The following NRG1 variants were observed in gnomAD, a reference collection of about 807,000 sequenced individuals.
NRG1 encodes neuregulin 1.
In NRG1, 18 loss-of-function variants were observed where a neutral mutation model predicts 63.8. The ratio of observed to expected loss-of-function variants is 0.28; its 90% CI spans 0.19 to 0.42. NRG1 has a LOEUF of 0.42. Ranked by LOEUF, NRG1 falls within the 10% of genes least tolerant of loss-of-function variation. The pLI is 1.00. For synonymous variants in NRG1, 302 were observed against 301.3 expected (o/e 1.00, Z -0.02); for missense variants, 762 against 814.7 (o/e 0.94, Z 0.79).
intron 1 of NRG1, among the ~76,000 whole-genome samples, chr8:32,486,840 G>C (rs941348786): frequency 2.1e-4 from 32 of 152,084 alleles, no homozygotes; most frequent in Admixed American, 2.1e-3. Context: ...GGCCAGGCTG[G>C]TCTCAAATTC....
intron 1 of NRG1, among the ~76,000 whole-genome samples, chr8:31,682,136 A>G (rs1033864649): frequency 5.9e-5 from 9 of 152,190 alleles, no homozygotes; most frequent in African/African-American, 2.2e-4. Flanking sequence ...AAAACCTGGC[A>G]ACCACTAATC....
chr8:32,247,289 T>G (rs768121291), intron 1 of NRG1, among the ~76,000 whole-genome samples: 3 of 152,092 alleles, frequency 2.0e-5, no homozygotes, highest in Non-Finnish European at 4.4e-5. Flanking sequence ...TAAAAGCCTT[T>G]GATGACTCTC....
In NRG1 at chr8:32,333,162, AC is replaced by A. The variant is rs781637969; in HGVS notation, c.38-262664del. 2.1e-4 allele frequency among the ~76,000 whole-genome samples: 32 copies of A among 152,142 alleles called. 1 individual carries two copies. Among genetic ancestry groups the A allele is most frequent in the Admixed American group, 1.6e-3 (25 of 15,276 alleles). On this transcript the variant is annotated intron_variant, in intron 1 of 10. Transcript: ENST00000519301. Reference sequence around the variant, plus strand: ...TTAAAAATCTATGTGTTTTTTCTATACCTTTTATTCTCTCATAGGCTTGTAT... The same window carrying A: ...TTAAAAATCTATGTGTTTTTTCTATACTTTTATTCTCTCATAGGCTTGTAT...
At chr8:32,675,947 A>T (rs1283195748) in intron 5 of NRG1, among the ~76,000 whole-genome samples, 1 of 152,216 alleles carries the variant, frequency 6.6e-6, no homozygotes, top group Non-Finnish European at 1.5e-5. Flanking sequence ...CTCAATTCAA[A>T]TGACCACAAA....
intron 1 of NRG1, among the ~76,000 whole-genome samples, chr8:31,758,797 G>A (rs149794471): frequency 8.3e-4 from 126 of 152,234 alleles, no homozygotes; most frequent in Middle Eastern, 3.4e-3. Flanking sequence ...GAAATGGGAC[G>A]GCTAGAGCAT....
chr8:31,859,815 C>T (rs763121360), intron 1 of NRG1, among the ~76,000 whole-genome samples: 2 of 152,222 alleles, frequency 1.3e-5, no homozygotes, highest in Non-Finnish European at 2.9e-5. Flanking sequence ...ATTACCTTGG[C>T]TCTTCAAAGT....
chr8:31,658,015 C>T (rs78007433), intron 1 of NRG1, among the ~76,000 whole-genome samples: 2,691 of 152,254 alleles, frequency 0.018, 41 homozygotes, highest in Non-Finnish European at 0.028. Context: ...CAAAGAGTGC[C>T]TATAGGTAGA....
At chr8:32,561,642 C>T (rs1836420828) in intron 1 of NRG1, among the ~76,000 whole-genome samples, 1 of 152,226 alleles carries the variant, frequency 6.6e-6, no homozygotes, top group African/African-American at 2.4e-5. Context: ...TGTCCCTTGA[C>T]AGCTGCTCTG....
chr8:32,515,194 T>A (rs1262421049), intron 1 of NRG1, among the ~76,000 whole-genome samples: 3 of 152,174 alleles, frequency 2.0e-5, no homozygotes, highest in Non-Finnish European at 4.4e-5. Context: ...ATTTCCAAAC[T>A]GCTTTTCACA....
chr8:31,653,351 C>T (rs190162862), intron 1 of NRG1, among the ~76,000 whole-genome samples: 1 of 151,988 alleles, frequency 6.6e-6, no homozygotes, highest in Non-Finnish European at 1.5e-5. Context: ...ACTGCAGTAA[C>T]CGATGATACC....
At chr8:32,366,673 G>GTATATA (rs1270263657) in intron 1 of NRG1, among the ~76,000 whole-genome samples, 165 of 42,768 alleles carry the variant, frequency 3.9e-3, no homozygotes, top group African/African-American at 8.4e-3. Flanking sequence ...GTGTGTGTGT[G>GTATATA]TGTGTATATA....
Position 31,958,109 on chromosome 8 carries a change from T to TTG in NRG1, c.37+318688_37+318689dup, listed in dbSNP as rs558121293. On this transcript the variant is annotated intron_variant, in intron 1 of 10. Coordinates refer to the NRG1 transcript ENST00000519301. ...CAGACAGATAGATAGGCAGAGATGT[T>TTG]TGTGTGTGTGTTTGTGTGTGTGTTG... 1.3e-3 allele frequency among the ~76,000 whole-genome samples: 161 copies of TTG among 127,922 alleles called. 1 individual carries two copies. The South Asian group carries it at 0.038, about 31-fold the overall frequency. The allele number at this position is 127,922 out of a possible 152,430, so 83.9% of individuals were successfully genotyped here. A position where few individuals can be genotyped will look rare whatever the true frequency, so the allele number is the denominator to read the frequency against.
chr8:32,630,947 T>C (rs1474406067), intron 5 of NRG1, among the ~76,000 whole-genome samples: 1 of 152,134 alleles, frequency 6.6e-6, no homozygotes. Flanking sequence ...AATAAGAAAT[T>C]GTAGCATTTT....
At chr8:32,275,149 C>G (rs1337675029) in intron 1 of NRG1, among the ~76,000 whole-genome samples, 3 of 152,142 alleles carry the variant, frequency 2.0e-5, no homozygotes, top group Non-Finnish European at 4.4e-5. Context: ...GTGATCAGGA[C>G]AGCTCCCGCC....
rs557866208 is a variant in NRG1, at chr8:32,125,791, C to G, written c.38-470037C>G. 7.9e-5 allele frequency among the ~76,000 whole-genome samples: 12 copies of G among 151,888 alleles called. No individual in the cohort carries two copies. In the East Asian group the frequency reaches 1.4e-3, roughly 17 times the overall value. On this transcript the variant is annotated intron_variant, in intron 1 of 10. Coordinates refer to the NRG1 transcript ENST00000519301. Reference sequence around the variant, plus strand: ...TTTTACAACTATTTCTCTGCTCTCTCCTCTCCAACATATCTTCCTGACATG... The same window carrying G: ...TTTTACAACTATTTCTCTGCTCTCTGCTCTCCAACATATCTTCCTGACATG...
intron 1 of NRG1, among the ~76,000 whole-genome samples, chr8:32,084,129 A>T (rs1029162568): frequency 6.6e-6 from 1 of 152,208 alleles, no homozygotes; most frequent in Non-Finnish European, 1.5e-5. Flanking sequence ...CATTTTGCCC[A>T]TTACCCTTAT....
chr8:31,830,242 G>T (rs1325675661), intron 1 of NRG1, among the ~76,000 whole-genome samples: 4 of 152,096 alleles, frequency 2.6e-5, no homozygotes, highest in African/African-American at 9.7e-5. Flanking sequence ...GAAAAAGATT[G>T]CTTGGCATGT....
chr8:32,453,333 G>A lies in NRG1; in HGVS notation c.38-142495G>A, dbSNP rs528853312. 1.3e-4 allele frequency among the ~76,000 whole-genome samples: 20 copies of A among 152,194 alleles called. 1 individual carries two copies. In the South Asian group the frequency reaches 1.9e-3, roughly 14 times the overall value. On this transcript the variant is annotated intron_variant, in intron 1 of 10. Transcript: ENST00000519301. ...TTGACAATCTACGTATCAGAGCCTC[G>A]TACACAGGAGCTATTGAAATGATGT...
intron 1 of NRG1, among the ~76,000 whole-genome samples, chr8:32,170,181 G>T (rs1839879011): frequency 6.6e-6 from 1 of 152,138 alleles, no homozygotes; most frequent in Non-Finnish European, 1.5e-5. Context: ...ATAATTTTCT[G>T]TTGTTTGAAG....
Sources: allele counts gnomAD v4.1 joint callset (sites outside exome capture counted in the v4.1 genomes callset), GRCh38; gene constraint gnomAD v4.1.1; transcripts MANE v1.5; gene names NCBI Gene and HGNC (gene_info 2026-07-23, HGNC 2026-07-21).